Variants in TYW1B observed in about 807,000 individuals in gnomAD.
TYW1B encodes tRNA-yW synthesizing protein 1 homolog B.
TYW1B carries 73 observed loss-of-function variants against 86.9 expected under a neutral mutation model. The ratio of observed to expected loss-of-function variants is 0.84; its 90% CI spans 0.70 to 1.02. TYW1B has a LOEUF of 1.02. Among genes scored for constraint, TYW1B ranks in the 50% least tolerant of loss-of-function variants. The pLI, the probability that TYW1B is intolerant of heterozygous loss-of-function variation, is 0.00. For synonymous variants in TYW1B, 248 were observed against 292.8 expected, an observed-to-expected ratio of 0.85 and a Z score of 1.56; for missense variants, 637 against 827.4, an observed-to-expected ratio of 0.77 and a Z score of 2.82.
At chr7:72,816,792 A>C (rs1439984684) in intron 2 of TYW1B, among the ~76,000 whole-genome samples, 1 of 152,224 alleles carries the variant, frequency 6.6e-6, no homozygotes, top group Non-Finnish European at 1.5e-5. Context: ...GAGACTGTTG[A>C]CTTGGTGAAC....
intron 11 of TYW1B, among the ~76,000 whole-genome samples, chr7:72,686,900 AC>A (rs1554449536): frequency 2.0e-5 from 3 of 151,820 alleles, no homozygotes; most frequent in African/African-American, 7.3e-5. Context: ...AAAAATCCAG[AC>A]CCCCTACCTT....
intron 11 of TYW1B, among the ~76,000 whole-genome samples, chr7:72,644,113 T>C (rs369676846): frequency 0.082 from 9,089 of 111,422 alleles, no homozygotes; most frequent in African/African-American, 0.1. Flanking sequence ...CAATTCACCA[T>C]ATTAGCAGAA....
chr7:72,598,349 C>A (rs1322087092), intron 13 of TYW1B, among the ~76,000 whole-genome samples: 3 of 151,994 alleles, frequency 2.0e-5, no homozygotes, highest in Non-Finnish European at 2.9e-5. Flanking sequence ...TATTGTGGGA[C>A]CTTGTGATCG....
chr7:72,816,977 C>G (rs1166039060), intron 2 of TYW1B, among the ~76,000 whole-genome samples: 4 of 152,110 alleles, frequency 2.6e-5, no homozygotes, highest in Non-Finnish European at 5.9e-5. Context: ...TGTGAGTCAT[C>G]CTATAGAACC....
intron 1 of TYW1B, 144 bp downstream of exon 1, chr7:72,827,928 T>G: frequency 6.7e-7 from 1 of 1,489,144 alleles, no homozygotes; most frequent in Non-Finnish European, 9.1e-7. Context: ...TCCTCCTTGC[T>G]CTCAGCGGCG....
At chr7:72,786,088 G>A (rs1173459784) in intron 6 of TYW1B, among the ~76,000 whole-genome samples, 3 of 147,946 alleles carry the variant, frequency 2.0e-5, no homozygotes, top group Admixed American at 6.9e-5. Flanking sequence ...CAGCCTGGGC[G>A]ACACAGCAAG....
intron 11 of TYW1B, among the ~76,000 whole-genome samples, chr7:72,648,065 A>G (rs1812971727): frequency 6.6e-6 from 1 of 152,114 alleles, no homozygotes; most frequent in South Asian, 2.1e-4. Flanking sequence ...TGGCATTAAT[A>G]ATATAAATAT....
At position 72,611,815 on chromosome 7, in the gene TYW1B, C is replaced by T. The variant is rs377259063; in HGVS notation, c.1785+4857G>A. 1.2e-4 allele frequency among the ~76,000 whole-genome samples: 18 copies of T among 152,264 alleles called. 1 individual carries two copies. The highest frequency in any genetic ancestry group is 5.9e-4 in the Admixed American group (9 of 15,292). On this transcript the variant is annotated intron_variant, in intron 13 of 13. Coordinates refer to ENST00000620995, the MANE Select transcript of TYW1B (RefSeq NM_001145440.3). ...TCTCAGATTCTCTCCTTTGTCCTGGCGCACACTTGGTGCCATGTCTGCTTT... is the reference window on the plus strand; with the variant it reads ...TCTCAGATTCTCTCCTTTGTCCTGGTGCACACTTGGTGCCATGTCTGCTTT...
intron 11 of TYW1B, among the ~76,000 whole-genome samples, chr7:72,686,135 TG>T (rs1399139248): frequency 3.3e-5 from 5 of 152,228 alleles, no homozygotes; most frequent in African/African-American, 9.6e-5. Context: ...ACAGCCACTT[TG>T]GAAGACAGTT....
rs781907760 is a variant in TYW1B at position 72,807,298 on chromosome 7, C to T, written c.491G>A (p.Arg164Gln). The T allele has an allele frequency of 2.7e-5, 44 of 1,613,992 alleles. No individual in the cohort carries two copies. The highest frequency in any genetic ancestry group is 1.6e-4 in the Middle Eastern group (1 of 6,082). The change falls in exon 5 of 14, where the codon CGA becomes CAA. Residue 164 changes from arginine to glutamine, a missense_variant. Physicochemically the swap from Arg to Gln is conservative, Grantham distance 43 (BLOSUM62 1). Coordinates refer to ENST00000620995, the MANE Select transcript of TYW1B (RefSeq NM_001145440.3). ...WMLGVHRVMS[R>Q]GEGDCDVVKS... ...AACCACGTCGCAGTCGCCCTCCCCT[C>T]GACTCATCACACGATGCACGCCAAG... is the stretch of plus-strand genomic sequence containing the variant.
At chr7:72,714,456 A>G in intron 9 of TYW1B, among the ~76,000 whole-genome samples, 1 of 144,938 alleles carries the variant, frequency 6.9e-6, no homozygotes, top group Non-Finnish European at 1.5e-5. Flanking sequence ...GCCTCTACTA[A>G]AAATTAAAAA....
rs376262317 is a variant in TYW1B at position 72,609,751 on chromosome 7, C to A, written c.1785+6921G>T. The stretch of plus-strand genomic sequence containing the variant: ...AAGAAATGGTACCATATTTTCATTT[C>A]TTTCACTAGACACTAGTATAAGAAT... On this transcript the variant is annotated intron_variant, in intron 13 of 13. Coordinates refer to ENST00000620995, the MANE Select transcript of TYW1B (RefSeq NM_001145440.3). Among the ~76,000 whole-genome samples, 4 of 152,166 alleles carry A rather than the reference C, an allele frequency of 2.6e-5. No individual in the cohort carries two copies. In the East Asian group the frequency reaches 7.7e-4, roughly 29 times the overall value.
At chr7:72,644,345 C>T (rs1812874338) in intron 11 of TYW1B, among the ~76,000 whole-genome samples, 1 of 152,016 alleles carries the variant, frequency 6.6e-6, no homozygotes, top group African/African-American at 2.4e-5. Context: ...GTCAGGAGTT[C>T]GAGACCAGCC....
At chr7:72,811,858 G>A (rs1554478328) in intron 3 of TYW1B, among the ~76,000 whole-genome samples, 3 of 149,026 alleles carry the variant, frequency 2.0e-5, no homozygotes, top group South Asian at 2.1e-4. Context: ...GCTGCAGTGG[G>A]CCACAATCAC....
chr7:72,739,078 A>G (rs1157219841), intron 8 of TYW1B, among the ~76,000 whole-genome samples: 2 of 152,016 alleles, frequency 1.3e-5, no homozygotes, highest in Admixed American at 6.6e-5. Flanking sequence ...AGGGCTTAAT[A>G]TGGGATGATA....
chr7:72,762,528 T>C (rs1452263780), intron 7 of TYW1B, among the ~76,000 whole-genome samples: 7 of 152,194 alleles, frequency 4.6e-5, no homozygotes, highest in African/African-American at 1.7e-4. Context: ...AAGCAATGTT[T>C]TCCTTCAGTA....
At chr7:72,672,761 T>C (rs1192964261) in intron 11 of TYW1B, among the ~76,000 whole-genome samples, 20 of 152,234 alleles carry the variant, frequency 1.3e-4, no homozygotes, top group African/African-American at 4.6e-4. Context: ...AGTATATATG[T>C]ACATATATAC....
chr7:72,738,930 T>C (rs1345564919), intron 8 of TYW1B, among the ~76,000 whole-genome samples: 2 of 151,794 alleles, frequency 1.3e-5, no homozygotes, highest in East Asian at 3.9e-4. Context: ...AAAATAATAA[T>C]AATAAACTGG....
chr7:72,602,870 ACACACACACACACAC>A (rs1389999807), intron 13 of TYW1B, among the ~76,000 whole-genome samples: 1 of 151,504 alleles, frequency 6.6e-6, no homozygotes, highest in Admixed American at 6.6e-5. Context: ...ACACACACAC[ACACACACACACACAC>A]AATGTTGATG....
Sources: allele counts gnomAD v4.1 joint callset (sites outside exome capture counted in the v4.1 genomes callset), GRCh38; gene constraint gnomAD v4.1.1; transcripts MANE v1.5; gene names NCBI Gene and HGNC (gene_info 2026-07-23, HGNC 2026-07-21).